Variants in RIOK3 observed in about 807,000 individuals in gnomAD.
The protein encoded by RIOK3 is RIO kinase 3, also known as serine/threonine-protein kinase RIO3.
RIOK3 carries 40 observed loss-of-function variants against 63.5 expected under a neutral mutation model. The observed-to-expected ratio is 0.63, with a 90% CI of 0.49 to 0.82. RIOK3 has a LOEUF of 0.82. Ranked by LOEUF, RIOK3 falls within the 40% of genes least tolerant of loss-of-function variation. The pLI is 0.00. For synonymous variants in RIOK3, 193 were observed against 205.0 expected (o/e 0.94, Z 0.50); for missense variants, 557 against 637.0 (o/e 0.87, Z 1.35).
At chr18:23,480,880 A>G (rs1215265031) in intron 12 of RIOK3, among the ~76,000 whole-genome samples, 2 of 152,220 alleles carry the variant, frequency 1.3e-5, no homozygotes, top group Admixed American at 1.3e-4. Flanking sequence ...TGAGGTCAGG[A>G]GTTCGAGACC....
chr18:23,472,863 T>C (rs1450886626), intron 7 of RIOK3, among the ~76,000 whole-genome samples: 2 of 152,236 alleles, frequency 1.3e-5, no homozygotes, highest in Non-Finnish European at 2.9e-5. Context: ...GTTCATGCTG[T>C]TCAAATCCTA....
In RIOK3 at chr18:23,463,010, A is replaced by G. The variant is rs2057381654; in HGVS notation, c.110A>G (p.Asp37Gly). 2 of 1,608,628 alleles carry G rather than the reference A, an allele frequency of 1.2e-6. No individual in the cohort carries two copies. Among genetic ancestry groups the G allele is most frequent in the South Asian group, 2.2e-5 (2 of 89,832 alleles). Residue 37 changes from aspartate to glycine, a missense_variant, in exon 2 of 13, where the codon GAT (aspartate) becomes GGT (glycine). Coordinates refer to ENST00000339486, the MANE Select transcript of RIOK3 (RefSeq NM_003831.5). ...AATACAATATCTTGTTCTTTGGCTGATGTAATGAGTGAACAGCTGGCCAAA... is the reference window on the plus strand; with the variant it reads ...AATACAATATCTTGTTCTTTGGCTGGTGTAATGAGTGAACAGCTGGCCAAA... The part of the protein sequence containing the change: ...PQNTISCSLA[D>G]VMSEQLAKEL...
chr18:23,470,859 CTCTTGTAT>C (rs2057452064), intron 7 of RIOK3, among the ~76,000 whole-genome samples: 2 of 152,198 alleles, frequency 1.3e-5, no homozygotes, highest in Non-Finnish European at 2.9e-5. Flanking sequence ...AGTAAGGGAT[CTCTTGTAT>C]GGCATTTTTG....
In RIOK3 at chr18:23,482,173, C is replaced by A. The variant is rs1321365878; in HGVS notation, c.*894C>A. 6.6e-6 allele frequency: 1 copy of A among 152,054 alleles called. No individual in the cohort carries two copies. The highest frequency in any genetic ancestry group is 1.5e-5 in the Non-Finnish European group (1 of 68,028). The allele number at this position is 152,054 out of a possible 1,614,324, so 9.4% of individuals were successfully genotyped here. A position where few individuals can be genotyped will look rare whatever the true frequency, so the allele number is the denominator to read the frequency against. On this transcript the variant is annotated 3_prime_UTR_variant, in exon 13 of 13. Coordinates refer to ENST00000339486, the MANE Select transcript of RIOK3 (RefSeq NM_003831.5). The stretch of plus-strand genomic sequence containing the variant: ...ACTTGATTGATTTTCAGAGAAATAT[C>A]ACAAATTAGAAATATTAAATCTAAG...
At position 23,456,085 on chromosome 18, in the gene RIOK3, C is replaced by T. The variant is rs145047680; in HGVS notation, c.63+2583C>T. Among the ~76,000 whole-genome samples the T allele has an allele frequency of 5.7e-3, 866 of 152,200 alleles. 7 individuals carry two copies. Among genetic ancestry groups the T allele is most frequent in the African/African-American group, 0.02 (828 of 41,536 alleles). On this transcript the variant is annotated intron_variant, in intron 1 of 12. Transcript: ENST00000339486. ...TGCTGGGATTACAGGTGTGAGCCAC[C>T]GCGCCCAGCCAATTTTTGTATTTTT... is the stretch of plus-strand genomic sequence containing the variant.
intron 9 of RIOK3, among the ~76,000 whole-genome samples, chr18:23,475,503 C>A (rs996120711): frequency 6.7e-6 from 1 of 150,066 alleles, no homozygotes; most frequent in East Asian, 2.0e-4. Context: ...TGGGCACACA[C>A]CTGTAGTCCC....
chr18:23,453,493 AC>A lies in RIOK3; in HGVS notation c.57del (p.Ser20AlafsTer19). 6.2e-7 allele frequency: 1 copy of A among 1,613,186 alleles called. No homozygotes were observed. The highest frequency in any genetic ancestry group is 8.5e-7 in the Non-Finnish European group (1 of 1,179,346). On this transcript the variant is annotated frameshift_variant, in exon 1 of 13. Transcript: ENST00000339486. LOFTEE classifies it high-confidence loss of function. The part of the protein sequence containing the change: ...PEPGTAAAWG[P>X]SKCPWAIPQN... ...AGCCCGGGACGGCAGCGGCCTGGGGACCCAGCAAGGTAAGTGGCAGACGAGA... is the reference window on the plus strand; with the variant it reads ...AGCCCGGGACGGCAGCGGCCTGGGGACCAGCAAGGTAAGTGGCAGACGAGA...
At chr18:23,455,050 TTTTCTTTCC>T (rs1039720588) in intron 1 of RIOK3, among the ~76,000 whole-genome samples, 6 of 152,010 alleles carry the variant, frequency 3.9e-5, no homozygotes, top group African/African-American at 1.4e-4. Flanking sequence ...CCTTCCTTTC[TTTTCTTTCC>T]TTTCTTTCCT....
chr18:23,479,398 G>C lies in RIOK3; in HGVS notation c.1426G>C (p.Asp476His). Reference sequence around the variant, plus strand: ...TGTTTCAGGCTTAAACATCACAGCAGATAATGAAGCTGATTTTTTAGCTGA... The same window carrying C: ...TGTTTCAGGCTTAAACATCACAGCACATAATGAAGCTGATTTTTTAGCTGA... ...NAVSGLNITADNEADFLAEIE... is the reference protein window; with the variant it reads ...NAVSGLNITAHNEADFLAEIE... Residue 476 changes from aspartate to histidine, a missense_variant, in exon 12 of 13, where the codon GAT becomes CAT. By Grantham distance (81) the Asp-to-His change is moderately conservative (BLOSUM62 -1). This residue lies in a region of RIOK3 where 309 missense variants were observed against 338.7 expected (regional missense o/e 0.91). Transcript: ENST00000339486. The C allele has an allele frequency of 6.2e-7, 1 of 1,613,376 alleles. No individual in the cohort carries two copies.
chr18:23,458,086 G>C (rs1260251348), intron 1 of RIOK3, among the ~76,000 whole-genome samples: 2 of 146,228 alleles, frequency 1.4e-5, no homozygotes, highest in African/African-American at 5.1e-5. Flanking sequence ...TTGTATTTTA[G>C]TGGAAATGGG....
In RIOK3 at chr18:23,453,422, C is replaced by T; in HGVS notation, c.-18C>T. The T allele has an allele frequency of 6.2e-7, 1 of 1,610,080 alleles. No individual in the cohort carries two copies. Among genetic ancestry groups the T allele is most frequent in the Middle Eastern group, 1.7e-4 (1 of 6,050 alleles). ...TGCCACCTCTCTGCTCTGTTCTTGT[C>T]TCTGCCTTCATTCCCGAATGGATCT... On this transcript the variant is annotated 5_prime_UTR_variant, in exon 1 of 13. Transcript: ENST00000339486.
In RIOK3 at chr18:23,479,408, C is replaced by T; in HGVS notation, c.1436C>T (p.Ala479Val). The T allele has an allele frequency of 6.2e-7, 1 of 1,612,300 alleles. No individual in the cohort carries two copies. Among genetic ancestry groups the T allele is most frequent in the Non-Finnish European group, 8.5e-7 (1 of 1,178,466 alleles). ...SGLNITADNE[A>V]DFLAEIEALE... ...TTAAACATCACAGCAGATAATGAAGCTGATTTTTTAGCTGAGGTATGTGAT... is the reference window on the plus strand; with the variant it reads ...TTAAACATCACAGCAGATAATGAAGTTGATTTTTTAGCTGAGGTATGTGAT... The change falls in exon 12 of 13, where the codon GCT becomes GTT. Residue 479 changes from alanine to valine, a missense_variant. This residue lies in a region of RIOK3 where 309 missense variants were observed against 338.7 expected (regional missense o/e 0.91). Transcript: ENST00000339486.
chr18:23,478,028 C>T (rs565514664), intron 11 of RIOK3, among the ~76,000 whole-genome samples: 1 of 149,732 alleles, frequency 6.7e-6, no homozygotes, highest in East Asian at 2.0e-4. Context: ...GCCAAGGTTG[C>T]GCCATTGCAC....
intron 11 of RIOK3, among the ~76,000 whole-genome samples, chr18:23,478,101 ATAAG>A (rs2057505615): frequency 6.6e-6 from 1 of 151,892 alleles, no homozygotes; most frequent in Non-Finnish European, 1.5e-5. Context: ...GTTAAAGGGA[ATAAG>A]TGAGTGTTTT....
chr18:23,454,163 T>C (rs765962659), intron 1 of RIOK3, among the ~76,000 whole-genome samples: 10 of 152,230 alleles, frequency 6.6e-5, no homozygotes, highest in Non-Finnish European at 1.5e-4. Flanking sequence ...TTTGATTATA[T>C]GGATGAAAAC....
At chr18:23,455,567 A>G (rs551236531) in intron 1 of RIOK3, among the ~76,000 whole-genome samples, 4 of 150,748 alleles carry the variant, frequency 2.7e-5, no homozygotes, top group Non-Finnish European at 5.9e-5. Flanking sequence ...AATTTTTTGT[A>G]TTTTTAGTAG....
intron 7 of RIOK3, among the ~76,000 whole-genome samples, chr18:23,469,368 T>C (rs1466718515): frequency 6.1e-4 from 1 of 1,630 alleles, no homozygotes; most frequent in African/African-American, 1.4e-3. Flanking sequence ...CCTCCCTCCC[T>C]CCCTCCCTCC....
Position 23,464,412 on chromosome 18 carries a change from C to T in RIOK3, c.433+99C>T, listed in dbSNP as rs928887150. 6.0e-6 allele frequency: 7 copies of T among 1,161,156 alleles called. No homozygotes were observed. In the African/African-American group the frequency reaches 6.2e-5, roughly 10 times the overall value. 71.9% of individuals were successfully genotyped at this position (1,161,156 alleles called of 1,614,324 possible). A position where few individuals can be genotyped will look rare whatever the true frequency, so the allele number is the denominator to read the frequency against. On this transcript the variant is annotated intron_variant, in intron 4 of 12. Transcript: ENST00000339486. The stretch of plus-strand genomic sequence containing the variant: ...TAGTTTTATATTTTTCTTTGAATCT[C>T]ATTTGGTAATTTACTCTTAGATTCA...
chr18:23,458,135 G>T (rs2057352629), intron 1 of RIOK3, among the ~76,000 whole-genome samples: 1 of 151,250 alleles, frequency 6.6e-6, no homozygotes, highest in African/African-American at 2.4e-5. Context: ...GAACTCCTGA[G>T]CTCAAGCAAT....
Sources: gnomAD v4.1 joint callset for allele counts (sites outside exome capture counted in the v4.1 genomes callset) on GRCh38, gnomAD v4.1.1 for gene constraint, gnomAD v4.1.1 regional missense constraint, MANE v1.5 for transcripts, NCBI Gene and HGNC (gene_info 2026-07-23, HGNC 2026-07-21) for gene names.